The following PLPPR1 variants were observed in gnomAD, a reference collection of about 807,000 sequenced individuals.
PLPPR1 encodes the protein phospholipid phosphatase-related protein type 1.
PLPPR1 carries 10 observed loss-of-function variants against 33.1 expected under a neutral mutation model. The observed-to-expected ratio is 0.30, with a 90% CI of 0.19 to 0.51. PLPPR1 has a LOEUF of 0.51. Ranked by LOEUF, PLPPR1 falls within the 20% of genes least tolerant of loss-of-function variation. PLPPR1 has a pLI of 0.97. For synonymous variants in PLPPR1, 151 were observed against 151.0 expected (o/e 1.00, Z 0.00); for missense variants, 304 against 408.1 (o/e 0.74, Z 2.20).
chr9:101,055,504 C>T (rs2118453281), intron 1 of PLPPR1, among the ~76,000 whole-genome samples: 1 of 152,314 alleles, frequency 6.6e-6, no homozygotes, highest in African/African-American at 2.4e-5. Context: ...GGATTAGACA[C>T]TCTCATTTCA....
intron 1 of PLPPR1, among the ~76,000 whole-genome samples, chr9:101,126,148 G>A (rs570848447): frequency 2.6e-5 from 4 of 152,186 alleles, no homozygotes; most frequent in Admixed American, 2.6e-4. Flanking sequence ...AGCCTTTCCT[G>A]TTGGATTAGT....
chr9:101,041,676 G>A (rs1830079672), intron 1 of PLPPR1, among the ~76,000 whole-genome samples: 1 of 152,078 alleles, frequency 6.6e-6, no homozygotes, highest in Non-Finnish European at 1.5e-5. Flanking sequence ...GAGGACTTTG[G>A]GGCCATAAAG....
At chr9:101,034,400 G>A (rs1363917761) in intron 1 of PLPPR1, among the ~76,000 whole-genome samples, 1 of 152,168 alleles carries the variant, frequency 6.6e-6, no homozygotes, top group Non-Finnish European at 1.5e-5. Context: ...GAGCCTCTGA[G>A]TGCCATACCT....
intron 2 of PLPPR1, among the ~76,000 whole-genome samples, chr9:101,222,292 T>C (rs531491423): frequency 6.6e-6 from 1 of 152,332 alleles, no homozygotes; most frequent in Admixed American, 6.5e-5. Flanking sequence ...AGCATGCTTT[T>C]TGCTAAAAGG....
intron 3 of PLPPR1, among the ~76,000 whole-genome samples, chr9:101,275,309 T>C (rs941246181): frequency 1.5e-4 from 23 of 152,218 alleles, no homozygotes; most frequent in African/African-American, 5.3e-4. Flanking sequence ...CCATTCACAA[T>C]TGCAGGGATG....
intron 2 of PLPPR1, among the ~76,000 whole-genome samples, chr9:101,222,935 C>T (rs1588080784): frequency 6.6e-6 from 1 of 151,558 alleles, no homozygotes; most frequent in East Asian, 1.9e-4. Context: ...TTTTGGTTGT[C>T]TATCCCAACT....
rs138387262 is a variant in PLPPR1 at position 101,125,776 on chromosome 9, T to C, written c.-45-59674T>C. The stretch of plus-strand genomic sequence containing the variant: ...TGACCACTGATTTCACTTCAGAAAG[T>C]CCAAATATAGCCCAGAACATTGTCT... On this transcript the variant is annotated intron_variant, in intron 1 of 7. Transcript: ENST00000374874. 4.5e-4 allele frequency: 405 copies of C among 904,078 alleles called. 2 individuals carry two copies. The African/African-American group carries it at 6.2e-3, about 14-fold the overall frequency. 56.0% of individuals were successfully genotyped at this position (904,078 alleles called of 1,614,324 possible). A position where few individuals can be genotyped will look rare whatever the true frequency, so the allele number is the denominator to read the frequency against.
intron 2 of PLPPR1, among the ~76,000 whole-genome samples, chr9:101,227,805 C>T (rs1827101781): frequency 6.6e-6 from 1 of 152,102 alleles, no homozygotes; most frequent in Non-Finnish European, 1.5e-5. Flanking sequence ...GTGATGGAGT[C>T]TCACTCTTTT....
chr9:101,143,367 C>G (rs1831478410), intron 1 of PLPPR1, among the ~76,000 whole-genome samples: 1 of 152,138 alleles, frequency 6.6e-6, no homozygotes. Flanking sequence ...TGTCTTTCCT[C>G]CAGTTCATAT....
intron 1 of PLPPR1, among the ~76,000 whole-genome samples, chr9:101,080,811 C>T (rs1158783426): frequency 6.6e-6 from 1 of 151,976 alleles, no homozygotes; most frequent in Admixed American, 6.5e-5. Flanking sequence ...TTTTCCCATT[C>T]CTGAGAATAG....
At chr9:101,121,517 A>T (rs1182451986) in intron 1 of PLPPR1, among the ~76,000 whole-genome samples, 2 of 152,214 alleles carry the variant, frequency 1.3e-5, no homozygotes, top group Non-Finnish European at 1.5e-5. Flanking sequence ...CCTGAGTATT[A>T]CCATGCATTT....
chr9:101,132,954 T>C (rs1473904053), intron 1 of PLPPR1, among the ~76,000 whole-genome samples: 2 of 152,226 alleles, frequency 1.3e-5, no homozygotes, highest in Non-Finnish European at 2.9e-5. Flanking sequence ...AGGATTATGG[T>C]TGTGTTCTCT....
chr9:101,233,390 G>A (rs189042060), intron 2 of PLPPR1, among the ~76,000 whole-genome samples: 65 of 152,090 alleles, frequency 4.3e-4, no homozygotes, highest in Non-Finnish European at 5.3e-4. Flanking sequence ...ATGAAAGTGA[G>A]CTCATCAGAA....
rs997910425 is a variant in PLPPR1 at position 101,097,129 on chromosome 9, T to C, written c.-46+68027T>C. On this transcript the variant is annotated intron_variant, in intron 1 of 7. Transcript: ENST00000374874. ...CATCTAAGTCAGTGGATCTCAAACT[T>C]GAGCATGGCCAGAATCATCTGCACA... 3.3e-5 allele frequency among the ~76,000 whole-genome samples: 5 copies of C among 152,128 alleles called. No homozygotes were observed. The East Asian group carries it at 9.6e-4, about 29-fold the overall frequency.
Position 101,077,779 on chromosome 9 carries a change from G to A in PLPPR1, c.-46+48677G>A, listed in dbSNP as rs1330348113. On this transcript the variant is annotated intron_variant, in intron 1 of 7. Transcript: ENST00000374874. ...CCCCCTTATATGACCTGGGTAGGGG[G>A]CCTAACCTTGGGCAAGGCGGCTCCC... Among the ~76,000 whole-genome samples, 7 of 151,936 alleles carry A rather than the reference G, an allele frequency of 4.6e-5. No homozygotes were observed. The East Asian group carries it at 1.2e-3, about 26-fold the overall frequency.
At chr9:101,266,148 C>T (rs563626980) in intron 2 of PLPPR1, among the ~76,000 whole-genome samples, 6 of 151,346 alleles carry the variant, frequency 4.0e-5, no homozygotes, top group South Asian at 2.1e-4. Flanking sequence ...CAGGGAAGGC[C>T]GGGCGCGGTG....
intron 3 of PLPPR1, among the ~76,000 whole-genome samples, chr9:101,280,924 C>T (rs1462523399): frequency 6.6e-6 from 1 of 151,852 alleles, no homozygotes; most frequent in East Asian, 1.9e-4. Context: ...CTAGCTAGAG[C>T]AATCAGACAA....
intron 1 of PLPPR1, among the ~76,000 whole-genome samples, chr9:101,177,475 T>A (rs762277502): frequency 6.6e-6 from 1 of 152,164 alleles, no homozygotes; most frequent in Non-Finnish European, 1.5e-5. Context: ...ACTAAGGGTG[T>A]TTGTTGTTTT....
intron 2 of PLPPR1, among the ~76,000 whole-genome samples, chr9:101,256,928 A>G (rs994127912): frequency 6.6e-6 from 1 of 152,134 alleles, no homozygotes. Flanking sequence ...AAGACAAATA[A>G]ACAGTCATAC....
Sources: allele counts gnomAD v4.1 joint callset (sites outside exome capture counted in the v4.1 genomes callset), GRCh38; gene constraint gnomAD v4.1.1; transcripts MANE v1.5; gene names NCBI Gene and HGNC (gene_info 2026-07-23, HGNC 2026-07-21).